The following LYAR variants were observed in gnomAD, a reference collection of about 807,000 sequenced individuals.
LYAR encodes Ly1 antibody reactive.
LYAR carries 37 observed loss-of-function variants against 45.2 expected under a neutral mutation model. The observed-to-expected ratio is 0.82, with a 90% CI of 0.63 to 1.08. The LOEUF is 1.08. Among genes scored for constraint, LYAR ranks in the 50% least tolerant of loss-of-function variants. The pLI is 0.00. For synonymous variants in LYAR, 176 were observed against 155.1 expected, an observed-to-expected ratio of 1.14 and a Z score of -1.00; for missense variants, 493 against 451.0, an observed-to-expected ratio of 1.09 and a Z score of -0.84.
intron 1 of LYAR, among the ~76,000 whole-genome samples, chr4:4,287,872 G>A (rs1719676824): frequency 6.6e-6 from 1 of 152,168 alleles, no homozygotes; most frequent in Non-Finnish European, 1.5e-5. Context: ...TGTGCAGTGG[G>A]CAAGGAGACC....
chr4:4,272,075 G>C (rs962630455), intron 8 of LYAR, among the ~76,000 whole-genome samples: 1 of 152,098 alleles, frequency 6.6e-6, no homozygotes, highest in Non-Finnish European at 1.5e-5. Context: ...TAAGGAGGGG[G>C]TGGGGGTGAG....
intron 2 of LYAR, among the ~76,000 whole-genome samples, chr4:4,284,517 C>G (rs3775337): frequency 6.6e-6 from 1 of 151,954 alleles, no homozygotes; most frequent in Non-Finnish European, 1.5e-5. Context: ...CAGAAAGAAA[C>G]GGAACCAAGT....
At chr4:4,274,795 C>T (rs770881351) in intron 6 of LYAR, 26 bp from the exon 7 acceptor site, 21 of 1,569,248 alleles carry the variant, frequency 1.3e-5, no homozygotes, top group Admixed American at 2.1e-5. Flanking sequence ...AAGCAAGAAA[C>T]ACATATTCAT....
chr4:4,273,727 C>T (rs1719048432), intron 7 of LYAR, 58 bp from the exon 8 acceptor site: 1 of 993,202 alleles, frequency 1.0e-6, no homozygotes, highest in Non-Finnish European at 1.6e-6. Flanking sequence ...TAGCAGCTAC[C>T]ATTTAATGAG....
intron 6 of LYAR, among the ~76,000 whole-genome samples, chr4:4,277,193 C>G (rs1719217082): frequency 6.6e-6 from 1 of 152,064 alleles, no homozygotes; most frequent in Non-Finnish European, 1.5e-5. Context: ...ATTCTAGGCG[C>G]CTGCCACCAC....
intron 2 of LYAR, among the ~76,000 whole-genome samples, chr4:4,285,183 G>A (rs910977812): frequency 2.0e-5 from 3 of 152,118 alleles, no homozygotes; most frequent in East Asian, 1.9e-4. Context: ...CCCTGATTCC[G>A]CGGTCCCAGG....
intron 2 of LYAR, among the ~76,000 whole-genome samples, chr4:4,285,839 G>C (rs1022073022): frequency 1.3e-5 from 2 of 152,112 alleles, no homozygotes; most frequent in Admixed American, 6.6e-5. Flanking sequence ...TAAAGGCCTA[G>C]GAAGGAAGCT....
intron 3 of LYAR, among the ~76,000 whole-genome samples, chr4:4,282,596 G>A (rs1229810809): frequency 6.6e-6 from 1 of 152,248 alleles, no homozygotes; most frequent in Non-Finnish European, 1.5e-5. Context: ...GAATGCCTCA[G>A]AGGACACTGG....
At chr4:4,275,727 T>TCC (rs1719151564) in intron 6 of LYAR, among the ~76,000 whole-genome samples, 1 of 32,020 alleles carries the variant, frequency 3.1e-5, no homozygotes. Context: ...GGACAGAGTC[T>TCC]CACTGTCACC....
At chr4:4,284,202 G>T (rs1438220624) in intron 2 of LYAR, among the ~76,000 whole-genome samples, 2 of 152,182 alleles carry the variant, frequency 1.3e-5, no homozygotes, top group Non-Finnish European at 2.9e-5. Context: ...AGCTTTGAGG[G>T]TGTTAAATCT....
intron 6 of LYAR, among the ~76,000 whole-genome samples, chr4:4,275,080 G>C (rs1719125085): frequency 6.6e-6 from 1 of 152,166 alleles, no homozygotes. Context: ...TCACCTTTTA[G>C]ATAAGAGAAG....
chr4:4,282,251 A>T (rs1719422912), intron 3 of LYAR, among the ~76,000 whole-genome samples: 1 of 152,218 alleles, frequency 6.6e-6, no homozygotes, highest in Admixed American at 6.5e-5. Flanking sequence ...TAAAAATCTC[A>T]ATGTCTAATA....
In LYAR at chr4:4,288,718, T is replaced by A. The variant is rs1719725720; in HGVS notation, c.-108+1318A>T. 2.6e-5 allele frequency among the ~76,000 whole-genome samples: 4 copies of A among 152,294 alleles called. No individual in the cohort carries two copies. In the South Asian group the frequency reaches 8.3e-4, roughly 32 times the overall value. Reference sequence around the variant, plus strand: ...CCAGGCTGGTTGTGAACTCTTGACCTCAGGTGATCCACCCTCCTCGGCCTC... The same window carrying A: ...CCAGGCTGGTTGTGAACTCTTGACCACAGGTGATCCACCCTCCTCGGCCTC... On this transcript the variant is annotated intron_variant, in intron 1 of 9. Coordinates refer to ENST00000343470, the MANE Select transcript of LYAR (RefSeq NM_017816.3).
At chr4:4,279,868 G>C in intron 4 of LYAR, 119 bp from the exon 5 acceptor site, 1 of 644,202 alleles carries the variant, frequency 1.6e-6, no homozygotes, top group Non-Finnish European at 2.7e-6. Context: ...CCCAGATTCT[G>C]TATTTATGTC....
Position 4,274,496 on chromosome 4 carries a change from C to A in LYAR, c.703G>T (p.Gly235Trp). 1 of 1,614,210 alleles carries A rather than the reference C, an allele frequency of 6.2e-7. No homozygotes were observed. Among genetic ancestry groups the A allele is most frequent in the Non-Finnish European group, 8.5e-7 (1 of 1,180,034 alleles). ...KGQEADLEAG[G>W]EEVPEANGSA... ...CCATTGGCCTCAGGGACTTCCTCCCCACCAGCCTCAAGGTCAGCCTCCTGT... is the reference window on the plus strand; with the variant it reads ...CCATTGGCCTCAGGGACTTCCTCCCAACCAGCCTCAAGGTCAGCCTCCTGT... Residue 235 changes from glycine to tryptophan, a missense_variant, in exon 7 of 10, where the codon GGG becomes TGG. Coordinates refer to ENST00000343470, the MANE Select transcript of LYAR (RefSeq NM_017816.3).
At chr4:4,275,878 T>C (rs1475215012) in intron 6 of LYAR, among the ~76,000 whole-genome samples, 4 of 152,160 alleles carry the variant, frequency 2.6e-5, no homozygotes, top group Admixed American at 2.6e-4. Flanking sequence ...GTATTTTTAG[T>C]AGAGACAGGG....
At chr4:4,280,828 A>T (rs866868868) in intron 4 of LYAR, among the ~76,000 whole-genome samples, 2 of 152,224 alleles carry the variant, frequency 1.3e-5, no homozygotes, top group South Asian at 4.1e-4. Context: ...TTCACGTTCC[A>T]ACTCTATTAT....
intron 6 of LYAR, 149 bp from the exon 7 acceptor site, chr4:4,274,918 C>G (rs1315643769): frequency 4.3e-6 from 3 of 691,486 alleles, no homozygotes; most frequent in Non-Finnish European, 7.1e-6. Context: ...CCCCCACCAA[C>G]AGCTAAAATG....
At chr4:4,278,005 T>C (rs1332278314) in intron 6 of LYAR, among the ~76,000 whole-genome samples, 1 of 152,248 alleles carries the variant, frequency 6.6e-6, no homozygotes, top group African/African-American at 2.4e-5. Context: ...CCTTATTTTA[T>C]TTAATGTTTA....
Sources: allele counts gnomAD v4.1 joint callset (sites outside exome capture counted in the v4.1 genomes callset), GRCh38; gene constraint gnomAD v4.1.1; transcripts MANE v1.5; gene names NCBI Gene and HGNC (gene_info 2026-07-23, HGNC 2026-07-21).